CRHR1: variants seen among roughly 807,000 people sequenced by gnomAD.
The protein encoded by CRHR1 is corticotropin-releasing hormone receptor 1.
CRHR1 carries 28 observed loss-of-function variants against 56.0 expected under a neutral mutation model. The observed-to-expected ratio is 0.50, with a 90% CI of 0.37 to 0.69. The LOEUF is 0.69. Ranked by LOEUF, CRHR1 falls within the 30% of genes least tolerant of loss-of-function variation. CRHR1 has a pLI of 0.00. For synonymous variants in CRHR1, 195 were observed against 216.5 expected (o/e 0.90, Z 0.87); for missense variants, 376 against 548.0 (o/e 0.69, Z 3.13).
intron 1 of CRHR1, among the ~76,000 whole-genome samples, chr17:45,788,196 C>T (rs1244607608): frequency 6.6e-6 from 1 of 152,222 alleles, no homozygotes; most frequent in Non-Finnish European, 1.5e-5. Context: ...CTGATAATTT[C>T]AGCAGCTATT....
intron 1 of CRHR1, among the ~76,000 whole-genome samples, chr17:45,791,119 C>T (rs1280462283): frequency 6.6e-6 from 1 of 151,636 alleles, no homozygotes; most frequent in Non-Finnish European, 1.5e-5. Context: ...GTGAAGGGCT[C>T]ATTTCTAGAA....
In CRHR1 at chr17:45,821,362, C is replaced by T. The variant is rs773332772; in HGVS notation, c.249C>T (p.Gly83=). The T allele has an allele frequency of 2.5e-5, 40 of 1,613,436 alleles. No homozygotes were observed. The highest frequency in any genetic ancestry group is 3.3e-5 in the Non-Finnish European group (39 of 1,180,020). The change falls in exon 4 of 13, where the codon GGC becomes GGT. Residue 83 remains glycine (G), a synonymous_variant. Coordinates refer to ENST00000314537, the MANE Select transcript of CRHR1 (RefSeq NM_004382.5). ...TCTCTCTTCCTTTTCCAGACAATGG[C>T]TACCGGGAGTGCCTGGCCAATGGCA... The part of the protein sequence containing the change: ...YGVRYNTTNN[G]YRECLANGSW...
intron 2 of CRHR1, among the ~76,000 whole-genome samples, chr17:45,808,624 A>AGGTTTGGTTT (rs531218086): frequency 1.5e-4 from 23 of 152,132 alleles, no homozygotes; most frequent in African/African-American, 3.4e-4. Flanking sequence ...TGCCAGTACT[A>AGGTTTGGTTT]GGTTTGGTTT....
In CRHR1 at chr17:45,784,336, A is replaced by C. The variant is rs1341839400; in HGVS notation, c.-209A>C. 3 of 296,612 alleles carry C rather than the reference A, an allele frequency of 1.0e-5. No homozygotes were observed. Among genetic ancestry groups the C allele is most frequent in the Non-Finnish European group, 1.2e-5 (2 of 165,698 alleles). The allele number at this position is 296,612 out of a possible 1,614,324, so 18.4% of individuals were successfully genotyped here. Reference sequence around the variant, plus strand: ...GGCTGCGTCGGGAAACGGCGGCCAGACTTCCCCGGGAAGGGGCGAGCGAGA... The same window carrying C: ...GGCTGCGTCGGGAAACGGCGGCCAGCCTTCCCCGGGAAGGGGCGAGCGAGA... On this transcript the variant is annotated 5_prime_UTR_variant, in exon 1 of 13. Transcript: ENST00000314537. This position sits in a 1 kb window ranked among gnomAD's most constrained non-coding sequence, Gnocchi z 4.2.
chr17:45,785,769 T>C (rs568925214), intron 1 of CRHR1, among the ~76,000 whole-genome samples: 4 of 152,212 alleles, frequency 2.6e-5, no homozygotes, highest in Non-Finnish European at 4.4e-5. Flanking sequence ...AGCTGCTGCT[T>C]CCTTAGTTGA....
intron 5 of CRHR1, chr17:45,829,707 G>T: frequency 6.8e-7 from 1 of 1,479,086 alleles, no homozygotes; most frequent in Non-Finnish European, 9.2e-7. Context: ...GATGGGGATG[G>T]TTGGGATCAG....
At chr17:45,833,673 G>C (rs1195505759) in intron 10 of CRHR1, 41 bp from the exon 11 acceptor site, 36 of 1,603,008 alleles carry the variant, frequency 2.2e-5, no homozygotes, top group Non-Finnish European at 3.1e-5. Context: ...CCGTCCTGGG[G>C]TGGGCTGTGA....
intron 2 of CRHR1, among the ~76,000 whole-genome samples, chr17:45,814,883 T>A (rs2061896215): frequency 6.6e-6 from 1 of 152,278 alleles, no homozygotes; most frequent in African/African-American, 2.4e-5. Flanking sequence ...CTCTTTCAAT[T>A]AAGCCACTTG....
chr17:45,787,751 T>C (rs974317350), intron 1 of CRHR1, among the ~76,000 whole-genome samples: 2 of 152,176 alleles, frequency 1.3e-5, no homozygotes, highest in African/African-American at 4.8e-5. Context: ...TATCGGTGCA[T>C]ATCTGGGCCA....
At chr17:45,830,751 A>G (rs906612899) in intron 7 of CRHR1, 129 bp from the exon 8 acceptor site, 7 of 1,179,614 alleles carry the variant, frequency 5.9e-6, no homozygotes, top group Non-Finnish European at 8.3e-6. Context: ...ACCTTGAAGG[A>G]GGTGTGTGAG....
intron 1 of CRHR1, among the ~76,000 whole-genome samples, chr17:45,797,060 A>T (rs2061530830): frequency 6.6e-6 from 1 of 152,206 alleles, no homozygotes; most frequent in East Asian, 1.9e-4. Context: ...ATTGACCTGG[A>T]TGTACACTCC....
chr17:45,815,607 T>C (rs17689471), intron 2 of CRHR1, among the ~76,000 whole-genome samples: 21,837 of 152,276 alleles, frequency 0.14, 2,143 homozygotes, highest in Middle Eastern at 0.22. Flanking sequence ...AGGGTCTCTG[T>C]GAACTGTTGA....
intron 1 of CRHR1, among the ~76,000 whole-genome samples, chr17:45,793,398 G>A (rs1044814875): frequency 6.6e-6 from 1 of 152,226 alleles, no homozygotes; most frequent in African/African-American, 2.4e-5. Context: ...AGAGAGCAGG[G>A]TCAGGGCACT....
intron 1 of CRHR1, among the ~76,000 whole-genome samples, chr17:45,804,404 T>G (rs928146242): frequency 1.1e-4 from 17 of 151,752 alleles, no homozygotes; most frequent in African/African-American, 4.1e-4. Flanking sequence ...GAGTCATGGG[T>G]AGTGGGGACC....
At chr17:45,800,370 G>C (rs960742377) in intron 1 of CRHR1, 2 of 152,216 alleles carry the variant, frequency 1.3e-5, no homozygotes, top group Non-Finnish European at 2.9e-5. Context: ...TCCAGCCTGC[G>C]GGGCCTCCCC....
At chr17:45,801,984 T>A in intron 1 of CRHR1, among the ~76,000 whole-genome samples, 1 of 151,812 alleles carries the variant, frequency 6.6e-6, no homozygotes, top group Non-Finnish European at 1.5e-5. Context: ...CACTGCCCGC[T>A]CCCCAGGTTA....
intron 1 of CRHR1, among the ~76,000 whole-genome samples, chr17:45,785,456 G>T (rs988138221): frequency 2.0e-5 from 3 of 152,248 alleles, no homozygotes; most frequent in Admixed American, 2.0e-4. Context: ...CGCGCCCGCT[G>T]CAGCCGGCCG....
chr17:45,828,324 C>T (rs910345970), intron 4 of CRHR1, among the ~76,000 whole-genome samples: 8 of 152,182 alleles, frequency 5.3e-5, no homozygotes, highest in African/African-American at 9.7e-5. Context: ...TTTGGAGTTG[C>T]GCGACCTCCA....
At chr17:45,809,043 C>T (rs769561182) in intron 2 of CRHR1, among the ~76,000 whole-genome samples, 11 of 152,082 alleles carry the variant, frequency 7.2e-5, no homozygotes, top group Non-Finnish European at 1.2e-4. Context: ...GGTGCAAATC[C>T]AGGGAGGCTT....
Sources: allele counts gnomAD v4.1 joint callset (sites outside exome capture counted in the v4.1 genomes callset), GRCh38; gene constraint gnomAD v4.1.1; non-coding constraint Gnocchi (gnomAD v3.1); transcripts MANE v1.5; gene names NCBI Gene and HGNC (gene_info 2026-07-23, HGNC 2026-07-21).